The following ODF2L variants were observed in gnomAD, a reference collection of about 807,000 sequenced individuals.
ODF2L encodes the protein outer dense fiber of sperm tails 2 like, also known as protein BCAP.
ODF2L carries 76 observed loss-of-function variants against 86.3 expected under a neutral mutation model. That is an observed-to-expected ratio of 0.88 (90% CI 0.73 to 1.07). The LOEUF (loss-of-function observed/expected upper bound fraction) is 1.07. Among genes scored for constraint, ODF2L ranks in the 50% least tolerant of loss-of-function variants. ODF2L has a pLI of 0.00. For synonymous variants in ODF2L, 241 were observed against 231.3 expected (o/e 1.04, Z -0.38); for missense variants, 748 against 717.4 (o/e 1.04, Z -0.49).
intron 11 of ODF2L, among the ~76,000 whole-genome samples, chr1:86,363,429 G>A (rs1659181953): frequency 6.6e-6 from 1 of 152,158 alleles, no homozygotes; most frequent in Admixed American, 6.5e-5. Context: ...AAAATTTGGA[G>A]AGATTTGTTT....
exon 10 of ODF2L, chr1:86,371,141 A>T (rs1421788465): frequency 1.3e-6 from 2 of 1,499,222 alleles, no homozygotes; most frequent in South Asian, 2.6e-5. Flanking sequence ...CTTCCAAAAG[A>T]TTAATGATTT....
intron 17 of ODF2L, chr1:86,352,221 C>G: frequency 6.7e-7 from 1 of 1,496,962 alleles, no homozygotes; most frequent in Non-Finnish European, 9.0e-7. Context: ...GGAAAAAACA[C>G]AGTATCATTA....
chr1:86,364,193 G>T (rs1659238948), intron 11 of ODF2L, among the ~76,000 whole-genome samples: 2 of 152,034 alleles, frequency 1.3e-5, no homozygotes, highest in African/African-American at 4.8e-5. Flanking sequence ...CTCTCTGAAG[G>T]ATTTCAAGAA....
chr1:86,370,688 C>A (rs1659733196), intron 10 of ODF2L, among the ~76,000 whole-genome samples: 1 of 152,138 alleles, frequency 6.6e-6, no homozygotes, highest in African/African-American at 2.4e-5. Flanking sequence ...CAAGAACATA[C>A]TTTCTGGTTT....
chr1:86,352,888 G>T, exon 17 of ODF2L: 1 of 1,548,234 alleles, frequency 6.5e-7, no homozygotes, highest in Non-Finnish European at 8.9e-7. Context: ...AGTTGATTTT[G>T]TTCTTCATTT....
At chr1:86,360,984 C>A (rs1658993868) in intron 11 of ODF2L, 1 of 152,300 alleles carries the variant, frequency 6.6e-6, no homozygotes, top group South Asian at 2.1e-4. Flanking sequence ...CTCAGCCCAA[C>A]ACTAAAGAAG....
chr1:86,388,806 T>C (rs1661122946), intron 1 of ODF2L, among the ~76,000 whole-genome samples: 1 of 152,126 alleles, frequency 6.6e-6, no homozygotes, highest in African/African-American at 2.4e-5. Context: ...TCACCTATAA[T>C]TGGTAACTGC....
intron 14 of ODF2L, 146 bp downstream of exon 13, chr1:86,356,298 T>G: frequency 1.8e-6 from 1 of 564,342 alleles, no homozygotes. Flanking sequence ...AACTGTATTA[T>G]AGTATCTGCA....
At chr1:86,363,446 T>G (rs998329175) in intron 11 of ODF2L, among the ~76,000 whole-genome samples, 11 of 152,192 alleles carry the variant, frequency 7.2e-5, no homozygotes, top group Non-Finnish European at 1.2e-4. Flanking sequence ...GTTTTAAAAT[T>G]AGCACTTTTA....
At chr1:86,377,097 G>C (rs958419046) in intron 7 of ODF2L, among the ~76,000 whole-genome samples, 1 of 152,142 alleles carries the variant, frequency 6.6e-6, no homozygotes, top group African/African-American at 2.4e-5. Flanking sequence ...GGGGGCACAG[G>C]TATTAGGTAA....
At position 86,356,431 on chromosome 1, in the gene ODF2L, G is replaced by A. The variant is rs1331403600; in HGVS notation, c.1518+13C>T. The A allele has an allele frequency of 3.1e-6, 5 of 1,591,218 alleles. No individual in the cohort carries two copies. Among genetic ancestry groups the A allele is most frequent in the Non-Finnish European group, 3.4e-6 (4 of 1,165,980 alleles). ...TAACGCATCTAGCAAAACTCAGAAG[G>A]ACGGCTGGACACCTGGCCCTGAAGC... On this transcript the variant is annotated intron_variant, in intron 14 of 17. Transcript: ENST00000317336.
intron 11 of ODF2L, chr1:86,368,523 CAT>C: frequency 1.0e-6 from 1 of 974,206 alleles, no homozygotes; most frequent in Non-Finnish European, 1.3e-6. Context: ...AAATTAAAAC[CAT>C]AGATAACATT....
intron 8 of ODF2L, among the ~76,000 whole-genome samples, 198 bp downstream of exon 8, chr1:86,376,035 C>T (rs1041243246): frequency 6.6e-6 from 1 of 151,938 alleles, no homozygotes. Context: ...CAAGGAAATG[C>T]TGATATATTT....
At chr1:86,358,953 A>G (rs1658803090) in intron 12 of ODF2L, 62 bp from the exon 12 acceptor site, 1 of 771,406 alleles carries the variant, frequency 1.3e-6, no homozygotes, top group East Asian at 3.1e-5. Flanking sequence ...ATAAAAATCT[A>G]AAATTTAAAA....
At chr1:86,385,399 A>T in intron 3 of ODF2L, 59 bp downstream of exon 3, 1 of 1,031,784 alleles carries the variant, frequency 9.7e-7, no homozygotes, top group Non-Finnish European at 1.4e-6. Context: ...GACCTCAGTT[A>T]ATGCATTCTG....
intron 4 of ODF2L, among the ~76,000 whole-genome samples, chr1:86,383,401 A>G (rs272518): frequency 0.71 from 106,968 of 151,542 alleles, 38,144 homozygotes; most frequent in East Asian, 0.82. Flanking sequence ...TTACTAAATT[A>G]ATCTCAAAAG....
chr1:86,376,191 C>T (rs1395549804), intron 8 of ODF2L, 42 bp downstream of exon 8: 14 of 1,100,178 alleles, frequency 1.3e-5, no homozygotes, highest in Admixed American at 2.0e-5. Context: ...AAACTACGTA[C>T]ATAATAGATC....
intron 11 of ODF2L, among the ~76,000 whole-genome samples, chr1:86,365,333 G>C (rs372433939): frequency 1.4e-4 from 21 of 152,310 alleles, no homozygotes; most frequent in East Asian, 1.4e-3. Flanking sequence ...TTTACTAAAT[G>C]ACTGATGTAT....
At chr1:86,367,622 G>T (rs955063825) in intron 11 of ODF2L, among the ~76,000 whole-genome samples, 14 of 150,354 alleles carry the variant, frequency 9.3e-5, no homozygotes, top group African/African-American at 2.7e-4. Flanking sequence ...AGTACAACAA[G>T]CAGGGTTTTT....
Sources: allele counts gnomAD v4.1 joint callset (sites outside exome capture counted in the v4.1 genomes callset), GRCh38; gene constraint gnomAD v4.1.1; transcripts MANE v1.5; gene names NCBI Gene and HGNC (gene_info 2026-07-23, HGNC 2026-07-21).